The following ARHGAP31 variants were observed in gnomAD, a reference collection of about 807,000 sequenced individuals.
ARHGAP31 encodes rho GTPase-activating protein 31.
A neutral mutation model predicts 113.9 loss-of-function variants in ARHGAP31; 34 were observed. The observed-to-expected ratio is 0.30, with a 90% CI of 0.23 to 0.40. The LOEUF is 0.40. Ranked by LOEUF, ARHGAP31 falls within the 10% of genes least tolerant of loss-of-function variation. The pLI is 1.00. For missense variants in ARHGAP31, 1,548 were observed against 1,767.1 expected, an observed-to-expected ratio of 0.88 and a Z score of 2.22; for synonymous variants, 650 against 684.8, an observed-to-expected ratio of 0.95 and a Z score of 0.79.
chr3:119,307,940 C>CAAAAAAAACAAAAAAAAAAA (rs2079644606), intron 1 of ARHGAP31, among the ~76,000 whole-genome samples: 1 of 45,452 alleles, frequency 2.2e-5, no homozygotes, highest in Non-Finnish European at 3.7e-5. Context: ...GAATTAACAG[C>CAAAAAAAACAAAAAAAAAAA]AAAAAAAAAA....
rs751132057 is a variant in ARHGAP31 at position 119,365,338 on chromosome 3, T to C, written c.123T>C (p.Cys41=). 2 of 1,614,122 alleles carry C rather than the reference T, an allele frequency of 1.2e-6. No homozygotes were observed. Among genetic ancestry groups the C allele is most frequent in the South Asian group, 1.1e-5 (1 of 91,086 alleles). Residue 41 remains cysteine (C), a synonymous_variant, in exon 2 of 12, where the codon TGT becomes TGC. Coordinates refer to ENST00000264245, the MANE Select transcript of ARHGAP31 (RefSeq NM_020754.4). ...GQDVPYVLKS[C]AEFIETHGIV... is the part of the protein sequence containing the mutation. Reference sequence around the variant, plus strand: ...TAGTTCCATACGTTTTGAAGAGCTGTGCAGAATTTATAGAGACTCACGGCA... The same window carrying C: ...TAGTTCCATACGTTTTGAAGAGCTGCGCAGAATTTATAGAGACTCACGGCA...
chr3:119,303,635 T>C (rs2079604511), intron 1 of ARHGAP31, among the ~76,000 whole-genome samples: 1 of 152,094 alleles, frequency 6.6e-6, no homozygotes, highest in South Asian at 2.1e-4. Context: ...AAGCAACATA[T>C]ACCAGCTCTC....
At chr3:119,394,731 G>A (rs1276895374) in intron 8 of ARHGAP31, among the ~76,000 whole-genome samples, 1 of 152,124 alleles carries the variant, frequency 6.6e-6, no homozygotes, top group Non-Finnish European at 1.5e-5. Flanking sequence ...GAGGTGGGCA[G>A]ATCACTTGAG....
intron 10 of ARHGAP31, among the ~76,000 whole-genome samples, chr3:119,407,535 A>G (rs2080674829): frequency 6.6e-6 from 1 of 152,236 alleles, no homozygotes; most frequent in Admixed American, 6.5e-5. Context: ...AATATATGCA[A>G]GTATCTGTTT....
intron 1 of ARHGAP31, 28 bp downstream of exon 1, chr3:119,295,032 C>T (rs768076081): frequency 6.2e-7 from 1 of 1,600,880 alleles, no homozygotes; most frequent in Non-Finnish European, 8.6e-7. Context: ...TTCTCCCCCG[C>T]CCCCACCTTC....
At chr3:119,325,978 G>A (rs991436755) in intron 1 of ARHGAP31, among the ~76,000 whole-genome samples, 29 of 152,060 alleles carry the variant, frequency 1.9e-4, no homozygotes, top group Admixed American at 1.3e-4. Flanking sequence ...ATCACCTAGG[G>A]TCAGGAGTTC....
At chr3:119,347,397 G>A (rs1470189903) in intron 1 of ARHGAP31, among the ~76,000 whole-genome samples, 4 of 152,166 alleles carry the variant, frequency 2.6e-5, no homozygotes, top group African/African-American at 4.8e-5. Context: ...TATTAATAGC[G>A]AACCCATTGA....
At chr3:119,359,575 G>T (rs1031365961) in intron 1 of ARHGAP31, among the ~76,000 whole-genome samples, 1 of 151,976 alleles carries the variant, frequency 6.6e-6, no homozygotes, top group Non-Finnish European at 1.5e-5. Context: ...GGAGGAGGAA[G>T]GAGACTCAGA....
chr3:119,372,294 T>C (rs979506304), intron 3 of ARHGAP31, among the ~76,000 whole-genome samples: 2 of 150,890 alleles, frequency 1.3e-5, no homozygotes, highest in Non-Finnish European at 3.0e-5. Context: ...TTTTTTTTTT[T>C]TTTTTTGAGA....
chr3:119,334,272 TGGCTCCTTGGCAG>T (rs1444593454), intron 1 of ARHGAP31, among the ~76,000 whole-genome samples: 5 of 152,312 alleles, frequency 3.3e-5, no homozygotes, highest in Admixed American at 1.3e-4. Flanking sequence ...CCTTTTGGCC[TGGCTCCTTGGCAG>T]GGCTCCTGTC....
rs367885518 is a variant in ARHGAP31, at chr3:119,331,026, G to C, written c.101-34290G>C. 2.6e-5 allele frequency among the ~76,000 whole-genome samples: 4 copies of C among 152,302 alleles called. No homozygotes were observed. In the East Asian group the frequency reaches 5.8e-4, roughly 22 times the overall value. ...CATTCTTCAGGAGGTGGCATGGCTA[G>C]TGGTGGGAGTGAGGTTGTTTATAAT... On this transcript the variant is annotated intron_variant, in intron 1 of 11. Coordinates refer to ENST00000264245, the MANE Select transcript of ARHGAP31 (RefSeq NM_020754.4).
At chr3:119,335,374 T>C (rs1282158067) in intron 1 of ARHGAP31, among the ~76,000 whole-genome samples, 1 of 152,160 alleles carries the variant, frequency 6.6e-6, no homozygotes, top group Non-Finnish European at 1.5e-5. Context: ...ATAGCACTTA[T>C]CACATTGTAG....
chr3:119,365,290 T>A (rs1456618294), intron 1 of ARHGAP31, 26 bp from the exon 2 acceptor site: 1 of 1,587,206 alleles, frequency 6.3e-7, no homozygotes, highest in South Asian at 1.1e-5. Context: ...TAATACTTAA[T>A]TGTTTTTTTC....
chr3:119,369,119 C>A lies in ARHGAP31; in HGVS notation c.348+603C>A, dbSNP rs1053177059. On this transcript the variant is annotated intron_variant, in intron 3 of 11. Coordinates refer to ENST00000264245, the MANE Select transcript of ARHGAP31 (RefSeq NM_020754.4). ...CACCTAAGTAGCAGCTGTATGGTCA[C>A]CAAATAGGGCACACCCATAGGAAAG... Among the ~76,000 whole-genome samples the A allele has an allele frequency of 3.6e-4, 55 of 152,116 alleles. 1 individual carries two copies. The highest frequency in any genetic ancestry group is 3.5e-3 in the Admixed American group (54 of 15,266).
At chr3:119,368,890 C>A (rs1475926843) in intron 3 of ARHGAP31, among the ~76,000 whole-genome samples, 2 of 152,086 alleles carry the variant, frequency 1.3e-5, no homozygotes, top group Non-Finnish European at 2.9e-5. Flanking sequence ...CCACTGCTAG[C>A]CTTTTTATCA....
intron 1 of ARHGAP31, chr3:119,341,762 C>G (rs1329284250): frequency 6.6e-6 from 1 of 151,524 alleles, no homozygotes; most frequent in Non-Finnish European, 1.5e-5. Flanking sequence ...ATGTAACAAC[C>G]AAAAATCTGT....
chr3:119,302,168 C>T lies in ARHGAP31; in HGVS notation c.100+7164C>T, dbSNP rs77330141. 1.6e-3 allele frequency among the ~76,000 whole-genome samples: 241 copies of T among 152,326 alleles called. 1 individual carries two copies. The highest frequency in any genetic ancestry group is 5.6e-3 in the African/African-American group (232 of 41,568). On this transcript the variant is annotated intron_variant, in intron 1 of 11. Coordinates refer to ENST00000264245, the MANE Select transcript of ARHGAP31 (RefSeq NM_020754.4). ...CAGAAATGACACTCTTGAGTTGAACCGATCTTGCTATTTCTCCCCCAAGGG... is the reference window on the plus strand; with the variant it reads ...CAGAAATGACACTCTTGAGTTGAACTGATCTTGCTATTTCTCCCCCAAGGG...
chr3:119,365,209 C>G, intron 1 of ARHGAP31, 107 bp from the exon 2 acceptor site: 5 of 871,130 alleles, frequency 5.7e-6, no homozygotes, highest in Non-Finnish European at 9.2e-6. Flanking sequence ...ATATGAGTTC[C>G]ATACTTACAT....
chr3:119,377,113 C>T (rs2080355622), intron 3 of ARHGAP31, among the ~76,000 whole-genome samples: 1 of 152,250 alleles, frequency 6.6e-6, no homozygotes, highest in South Asian at 2.1e-4. Flanking sequence ...TTGACTCATT[C>T]ACTTACTCCT....
Sources: gnomAD v4.1 joint callset for allele counts (sites outside exome capture counted in the v4.1 genomes callset) on GRCh38, gnomAD v4.1.1 for gene constraint, MANE v1.5 for transcripts, NCBI Gene and HGNC (gene_info 2026-07-23, HGNC 2026-07-21) for gene names.